MEGF11: variants seen among roughly 807,000 people sequenced by gnomAD.
MEGF11 encodes multiple EGF like domains 11.
Under a neutral mutation model 146.6 loss-of-function variants are expected in MEGF11, and 126 were observed. The observed-to-expected ratio is 0.86, with a 90% CI of 0.74 to 1.00. The LOEUF (loss-of-function observed/expected upper bound fraction) is 1.00, where lower values mean the gene tolerates loss of function less well. Ranked by LOEUF, MEGF11 falls within the 50% of genes least tolerant of loss-of-function variation. MEGF11 has a pLI of 0.00. For synonymous variants in MEGF11, 532 were observed against 583.4 expected (o/e 0.91, Z 1.27); for missense variants, 1,509 against 1,521.2 (o/e 0.99, Z 0.13).
At chr15:66,093,469 C>A (rs148473673) in intron 5 of MEGF11, among the ~76,000 whole-genome samples, 1 of 152,148 alleles carries the variant, frequency 6.6e-6, no homozygotes, top group Non-Finnish European at 1.5e-5. Flanking sequence ...GGCGAATAAT[C>A]GGGCTTAGAT....
intron 4 of MEGF11, among the ~76,000 whole-genome samples, chr15:66,115,128 G>A (rs2087659558): frequency 6.6e-6 from 1 of 152,250 alleles, no homozygotes; most frequent in Admixed American, 6.5e-5. Context: ...AAGGGAAGAT[G>A]ACATCCTCCC....
intron 10 of MEGF11, among the ~76,000 whole-genome samples, chr15:65,943,947 T>C (rs1304796207): frequency 6.6e-6 from 1 of 152,072 alleles, no homozygotes; most frequent in Non-Finnish European, 1.5e-5. Context: ...CTGACAATAG[T>C]GATGGTGACA....
chr15:65,943,276 C>T (rs1262519141), intron 10 of MEGF11, among the ~76,000 whole-genome samples: 1 of 152,156 alleles, frequency 6.6e-6, no homozygotes, highest in Non-Finnish European at 1.5e-5. Context: ...CCACGTTCCA[C>T]CCAAACCTTG....
At chr15:66,014,335 C>T (rs2140130477) in intron 5 of MEGF11, among the ~76,000 whole-genome samples, 1 of 152,284 alleles carries the variant, frequency 6.6e-6, no homozygotes, top group Middle Eastern at 3.4e-3. Context: ...TCACAGGCTC[C>T]AGATGGACAT....
intron 7 of MEGF11, among the ~76,000 whole-genome samples, chr15:65,975,910 C>T (rs1384553303): frequency 1.3e-5 from 2 of 152,168 alleles, no homozygotes; most frequent in Non-Finnish European, 2.9e-5. Flanking sequence ...TCACCCACTG[C>T]TGGCTGGAAG....
intron 4 of MEGF11, among the ~76,000 whole-genome samples, chr15:66,109,071 C>T (rs968100147): frequency 1.3e-5 from 2 of 152,208 alleles, no homozygotes; most frequent in Non-Finnish European, 2.9e-5. Flanking sequence ...GCCCTGCTGG[C>T]ACTCACTGAG....
chr15:66,220,061 T>G (rs2091693745), intron 1 of MEGF11, among the ~76,000 whole-genome samples: 1 of 152,072 alleles, frequency 6.6e-6, no homozygotes, highest in Non-Finnish European at 1.5e-5. Flanking sequence ...GGTGTCCTTA[T>G]GAGAAGGCCA....
rs775857498 is a variant in MEGF11 at position 65,957,542 on chromosome 15, CT to C, written c.1287+4del. On this transcript the variant is annotated splice_donor_region_variant and intron_variant, in intron 10 of 25. Coordinates refer to ENST00000395614, the MANE Select transcript of MEGF11 (RefSeq NM_001385028.1). ...GAAGGCCACGGGAGGCCCCTCCCAT[CT>C]TACCATGAAGCCCGGAGCACAAGTG... 18 of 1,612,282 alleles carry C rather than the reference CT, an allele frequency of 1.1e-5. No homozygotes were observed. The highest frequency in any genetic ancestry group is 1.4e-5 in the Non-Finnish European group (17 of 1,179,240).
intron 5 of MEGF11, among the ~76,000 whole-genome samples, chr15:66,025,228 C>A (rs1245309574): frequency 2.0e-5 from 3 of 152,194 alleles, no homozygotes; most frequent in African/African-American, 7.2e-5. Flanking sequence ...AAAACACACC[C>A]GCATTCTCCT....
chr15:65,975,607 T>TA (rs1246704946), intron 7 of MEGF11, among the ~76,000 whole-genome samples: 1 of 152,168 alleles, frequency 6.6e-6, no homozygotes, highest in African/African-American at 2.4e-5. Flanking sequence ...AGTCATGATT[T>TA]GGGCTCAGAT....
At chr15:66,212,517 G>C (rs2091486829) in intron 1 of MEGF11, among the ~76,000 whole-genome samples, 1 of 152,204 alleles carries the variant, frequency 6.6e-6, no homozygotes, top group South Asian at 2.1e-4. Context: ...CAAACCCTCA[G>C]CCTGCAGAGC....
At chr15:66,213,626 A>C (rs2091515728) in intron 1 of MEGF11, among the ~76,000 whole-genome samples, 1 of 149,576 alleles carries the variant, frequency 6.7e-6, no homozygotes, top group Non-Finnish European at 1.5e-5. Flanking sequence ...CATGTCGCCC[A>C]GGCTGGTCTT....
chr15:66,009,445 G>A (rs1410717811), intron 5 of MEGF11, among the ~76,000 whole-genome samples: 1 of 151,934 alleles, frequency 6.6e-6, no homozygotes, highest in Non-Finnish European at 1.5e-5. Context: ...TCACATCTAT[G>A]ACTCAAGACT....
chr15:66,032,729 G>A (rs946779638), intron 5 of MEGF11, among the ~76,000 whole-genome samples: 1 of 152,264 alleles, frequency 6.6e-6, no homozygotes, highest in Non-Finnish European at 1.5e-5. Flanking sequence ...TATCTGGTGG[G>A]AGAAATATCT....
chr15:65,930,925 A>C lies in MEGF11; in HGVS notation c.1306T>G (p.Ser436Ala), dbSNP rs1197654817. Reference sequence around the variant, plus strand: ...GGGCCATAGGTCCCTGCTGCACAGGAAACGGCACAGACCTCTCCCTGGAAA... The same window carrying C: ...GGGCCATAGGTCCCTGCTGCACAGGCAACGGCACAGACCTCTCCCTGGAAA... Reference protein sequence around the residue: ...PGFMGEVCAVSCAAGTYGPNC... With the variant: ...PGFMGEVCAVACAAGTYGPNC... Residue 436 changes from serine to alanine, a missense_variant, in exon 11 of 26, where the codon TCC becomes GCC. Physicochemically the swap from Ser to Ala is moderately conservative, Grantham distance 99 (BLOSUM62 1). Transcript: ENST00000395614. The C allele has an allele frequency of 1.9e-6, 3 of 1,604,864 alleles. No individual in the cohort carries two copies. The highest frequency in any genetic ancestry group is 2.6e-6 in the Non-Finnish European group (3 of 1,174,140).
chr15:65,965,165 T>TC (rs2081021730), intron 8 of MEGF11, 45 bp from the exon 9 acceptor site: 1 of 1,468,408 alleles, frequency 6.8e-7, no homozygotes, highest in Non-Finnish European at 9.2e-7. Context: ...CCAGGATCCC[T>TC]CACCTGTGCT....
At chr15:65,929,624 G>A in intron 12 of MEGF11, 96 bp downstream of exon 12, 1 of 1,390,918 alleles carries the variant, frequency 7.2e-7, no homozygotes, top group Admixed American at 2.2e-5. Flanking sequence ...CTAGCTTAGT[G>A]CTGTTCTCTG....
At chr15:66,046,556 A>G (rs1597026156) in intron 5 of MEGF11, among the ~76,000 whole-genome samples, 1 of 152,208 alleles carries the variant, frequency 6.6e-6, no homozygotes, top group Admixed American at 6.5e-5. Flanking sequence ...CAGCTGCTGC[A>G]GGCTGAGGGC....
At chr15:66,174,715 C>A (rs1244863374) in intron 1 of MEGF11, among the ~76,000 whole-genome samples, 2 of 152,032 alleles carry the variant, frequency 1.3e-5, no homozygotes, top group South Asian at 4.2e-4. Flanking sequence ...TTGGAAGAAG[C>A]TGCTCTGAGG....
Sources: gnomAD v4.1 joint callset for allele counts (sites outside exome capture counted in the v4.1 genomes callset) on GRCh38, gnomAD v4.1.1 for gene constraint, MANE v1.5 for transcripts, NCBI Gene and HGNC (gene_info 2026-07-23, HGNC 2026-07-21) for gene names.